Variants in USH2A observed in about 807,000 individuals in gnomAD.
USH2A encodes usherin, also known as Usher syndrome 2A (autosomal recessive, mild).
USH2A carries 443 observed loss-of-function variants against 538.9 expected under a neutral mutation model. That is an observed-to-expected ratio of 0.82 (90% CI 0.76 to 0.89). USH2A has a LOEUF of 0.89. USH2A is among the 40% of genes least tolerant of loss of function. The pLI is 0.00. For synonymous variants in USH2A, 2,413 were observed against 2,273.5 expected (o/e 1.06, Z -1.75); for missense variants, 6,633 against 6,324.8 (o/e 1.05, Z -1.65).
chr1:216,176,459 T>C (rs1312754168), intron 20 of USH2A, among the ~76,000 whole-genome samples: 2 of 152,024 alleles, frequency 1.3e-5, no homozygotes, highest in African/African-American at 4.8e-5. Flanking sequence ...AGGTACAGAG[T>C]TCTACCATAT....
At chr1:215,684,576 T>G (rs552800313) in intron 61 of USH2A, among the ~76,000 whole-genome samples, 35 of 152,316 alleles carry the variant, frequency 2.3e-4, no homozygotes, top group Admixed American at 1.5e-3. Flanking sequence ...CTGTAGACCT[T>G]AGGAATCTTT....
In USH2A at chr1:216,173,999, G is replaced by A. The variant is rs867014040; in HGVS notation, c.4627+1253C>T. On this transcript the variant is annotated intron_variant, in intron 21 of 71. Coordinates refer to ENST00000307340, the MANE Select transcript of USH2A (RefSeq NM_206933.4). ...GAAGTTGAGCATTTTTAGCTCAATG[G>A]TTCAATTTCTAATACTCTGCAATGA... The A allele has an allele frequency of 1.4e-5, 14 of 984,938 alleles. No homozygotes were observed. In the South Asian group the frequency reaches 5.6e-4, roughly 40 times the overall value. 61.0% of individuals were successfully genotyped at this position (984,938 alleles called of 1,614,324 possible).
At chr1:215,975,505 A>G (rs1353927050) in intron 35 of USH2A, among the ~76,000 whole-genome samples, 2 of 152,060 alleles carry the variant, frequency 1.3e-5, no homozygotes, top group African/African-American at 4.8e-5. Flanking sequence ...GTATATGATG[A>G]AAAGTAGGGG....
chr1:216,091,603 C>T (rs1175854428), intron 22 of USH2A, among the ~76,000 whole-genome samples: 1 of 152,126 alleles, frequency 6.6e-6, no homozygotes, highest in Non-Finnish European at 1.5e-5. Flanking sequence ...CAATAGAATG[C>T]TTCGGATAGT....
At chr1:215,884,679 T>C (rs534014812) in intron 41 of USH2A, among the ~76,000 whole-genome samples, 29 of 152,260 alleles carry the variant, frequency 1.9e-4, no homozygotes, top group Non-Finnish European at 3.7e-4. Flanking sequence ...TTATTTTAAG[T>C]AGACATCAAA....
intron 68 of USH2A, 28 bp downstream of exon 68, chr1:215,640,530 C>A (rs777863127): frequency 6.2e-7 from 1 of 1,612,980 alleles, no homozygotes; most frequent in South Asian, 1.1e-5. Context: ...GCGCCTTCCA[C>A]ACTGAGAAAC....
At chr1:216,198,285 A>T (rs755525434) in intron 18 of USH2A, 30 bp downstream of exon 18, 14 of 1,613,402 alleles carry the variant, frequency 8.7e-6, no homozygotes, top group Admixed American at 3.3e-5. Flanking sequence ...CAGAGGTTTT[A>T]AAAGTAGAAT....
chr1:215,711,429 T>C (rs891097380), intron 61 of USH2A, among the ~76,000 whole-genome samples: 5 of 152,128 alleles, frequency 3.3e-5, no homozygotes, highest in African/African-American at 1.2e-4. Context: ...TAGGAAGGAA[T>C]GAAACTCTAA....
intron 32 of USH2A, among the ~76,000 whole-genome samples, chr1:216,041,850 T>A (rs2030291294): frequency 1.3e-5 from 2 of 152,216 alleles, no homozygotes; most frequent in South Asian, 4.1e-4. Context: ...AATAACTTTT[T>A]TTTTTGTAAA....
chr1:216,198,567 C>A lies in USH2A; in HGVS notation c.3829G>T (p.Glu1277Ter). 1 of 1,613,144 alleles carries A rather than the reference C, an allele frequency of 6.2e-7. No individual in the cohort carries two copies. The highest frequency in any genetic ancestry group is 1.1e-5 in the South Asian group (1 of 91,056). ...GATCTCAGTCTTCTCATGTATAGTT[C>A]ATATCTTATAATTATTCCTAGAGAA... Reference protein sequence around the residue: ...AELNGIIIRYELYMRRLRSTK... With the variant: ...AELNGIIIRY The change falls in exon 18 of 72, where the codon GAA becomes TAA. Residue 1277 changes from glutamate to a stop codon, truncating the protein, a stop_gained. Coordinates refer to ENST00000307340, the MANE Select transcript of USH2A (RefSeq NM_206933.4). LOFTEE classifies it high-confidence loss of function.
intron 35 of USH2A, among the ~76,000 whole-genome samples, chr1:215,983,611 C>T (rs991776058): frequency 6.0e-5 from 9 of 149,284 alleles, no homozygotes; most frequent in African/African-American, 1.5e-4. Context: ...TCACGCACTA[C>T]CCCCCCATCA....
At chr1:216,403,690 A>G (rs1324869229) in intron 3 of USH2A, among the ~76,000 whole-genome samples, 1 of 152,194 alleles carries the variant, frequency 6.6e-6, no homozygotes, top group Non-Finnish European at 1.5e-5. Flanking sequence ...AAGAAAATGA[A>G]ACACTTTATG....
At chr1:216,217,699 A>T (rs866869721) in intron 14 of USH2A, 149 bp from the exon 15 acceptor site, 1 of 916,452 alleles carries the variant, frequency 1.1e-6, no homozygotes, top group Non-Finnish European at 1.7e-6. Flanking sequence ...ACAAACAAAG[A>T]ATCAACATAA....
At chr1:216,152,832 T>C (rs2033866515) in intron 21 of USH2A, among the ~76,000 whole-genome samples, 1 of 152,118 alleles carries the variant, frequency 6.6e-6, no homozygotes, top group African/African-American at 2.4e-5. Context: ...GGCACTTCTG[T>C]TTTCACACCC....
At chr1:215,745,383 T>C (rs1231361259) in intron 58 of USH2A, among the ~76,000 whole-genome samples, 2 of 152,098 alleles carry the variant, frequency 1.3e-5, no homozygotes, top group African/African-American at 2.4e-5. Context: ...GGAAACCAGT[T>C]TGAAAGTCTT....
intron 58 of USH2A, among the ~76,000 whole-genome samples, chr1:215,757,523 C>T (rs183009515): frequency 2.3e-3 from 356 of 152,038 alleles, no homozygotes; most frequent in Middle Eastern, 6.8e-3. Flanking sequence ...ATTCTGATGG[C>T]GACAAAAAGG....
chr1:215,628,147 C>G lies in USH2A; in HGVS notation c.15519+667G>C, dbSNP rs1178377455. Among the ~76,000 whole-genome samples, 4 of 150,132 alleles carry G rather than the reference C, an allele frequency of 2.7e-5. No homozygotes were observed. In the East Asian group the frequency reaches 7.8e-4, roughly 29 times the overall value. ...TATTCTTTTTGCGTCTACCCATACA[C>G]CAATAGGAAAAGGCAAAACAAAAAA... On this transcript the variant is annotated intron_variant, in intron 71 of 71. Transcript: ENST00000307340.
At chr1:215,830,170 C>T (rs1235735880) in intron 47 of USH2A, among the ~76,000 whole-genome samples, 2 of 152,116 alleles carry the variant, frequency 1.3e-5, no homozygotes, top group South Asian at 4.1e-4. Flanking sequence ...AAACTGTGAA[C>T]TAGGGAAGCA....
chr1:216,267,803 C>T (rs910059592), intron 11 of USH2A, among the ~76,000 whole-genome samples: 2 of 152,068 alleles, frequency 1.3e-5, no homozygotes, highest in Non-Finnish European at 2.9e-5. Context: ...CATACACTCC[C>T]CAAGGGCCAG....
Sources: gnomAD v4.1 joint callset for allele counts (sites outside exome capture counted in the v4.1 genomes callset) on GRCh38, gnomAD v4.1.1 for gene constraint, MANE v1.5 for transcripts, NCBI Gene and HGNC (gene_info 2026-07-23, HGNC 2026-07-21) for gene names.